Variants in FBXO32 observed in about 807,000 individuals in gnomAD.
FBXO32 encodes the protein F-box protein 32, also known as F-box only protein 32.
FBXO32 carries 15 observed loss-of-function variants against 48.3 expected under a neutral mutation model. The ratio of observed to expected loss-of-function variants is 0.31; its 90% confidence interval spans 0.21 to 0.48. FBXO32 has a LOEUF of 0.48. FBXO32 is among the 20% of genes least tolerant of loss of function. The pLI, the probability that FBXO32 is intolerant of heterozygous loss-of-function variation, is 0.99. For synonymous variants in FBXO32, 154 were observed against 165.9 expected, an observed-to-expected ratio of 0.93 and a Z score of 0.55; for missense variants, 309 against 432.7, an observed-to-expected ratio of 0.71 and a Z score of 2.54.
chr8:123,524,499 G>C (rs1484374740), intron 4 of FBXO32, among the ~76,000 whole-genome samples: 1 of 151,994 alleles, frequency 6.6e-6, no homozygotes, highest in Non-Finnish European at 1.5e-5. Flanking sequence ...AGAAGGGTGG[G>C]GTCACAATCA....
intron 1 of FBXO32, among the ~76,000 whole-genome samples, chr8:123,539,312 C>T (rs989039723): frequency 3.9e-5 from 6 of 152,132 alleles, no homozygotes; most frequent in Admixed American, 6.6e-5. Context: ...AAAGTACCAA[C>T]ATATTAGATC....
intron 4 of FBXO32, among the ~76,000 whole-genome samples, chr8:123,514,693 G>A (rs1294687605): frequency 6.6e-6 from 1 of 152,190 alleles, no homozygotes; most frequent in East Asian, 1.9e-4. Flanking sequence ...TCACCTCCCG[G>A]GGGAATTCTT....
chr8:123,515,886 G>A (rs1458054214), intron 4 of FBXO32, among the ~76,000 whole-genome samples: 2 of 152,132 alleles, frequency 1.3e-5, no homozygotes, highest in Non-Finnish European at 2.9e-5. Flanking sequence ...CAGCTACTCA[G>A]GAGGCTGAGG....
chr8:123,520,098 G>A (rs894891712), intron 4 of FBXO32, among the ~76,000 whole-genome samples: 3 of 152,046 alleles, frequency 2.0e-5, no homozygotes, highest in African/African-American at 4.8e-5. Context: ...CAAATTTATC[G>A]ATTTTATTTG....
Position 123,541,092 on chromosome 8 carries a change from G to T in FBXO32, c.-78C>A. On this transcript the variant is annotated 5_prime_UTR_variant, in exon 1 of 9. Transcript: ENST00000517956. ...CGGGGACGTGCCACCCGGGGCGGAT[G>T]CTCGGGGTGCAGGGGCCCGCGACGG... 2 of 962,494 alleles carry T rather than the reference G, an allele frequency of 2.1e-6. No homozygotes were observed. Among genetic ancestry groups the T allele is most frequent in the Non-Finnish European group, 2.9e-6 (2 of 689,440 alleles). 59.6% of individuals were successfully genotyped at this position (962,494 alleles called of 1,614,324 possible). A position where few individuals can be genotyped will look rare whatever the true frequency, so the allele number is the denominator to read the frequency against.
chr8:123,507,208 CT>C (rs1389622096), intron 6 of FBXO32, among the ~76,000 whole-genome samples: 1 of 152,096 alleles, frequency 6.6e-6, no homozygotes, highest in African/African-American at 2.4e-5. Flanking sequence ...CAATATCCTT[CT>C]TTTTGTCATG....
rs573596612 is a variant in FBXO32 at position 123,534,732 on chromosome 8, C to T, written c.199G>A (p.Asp67Asn). ...YDVAAKKRKK[D>N]MLNSKTKTQY... ...GTTTTGGTTTTGCTATTCAGCATGT[C>T]CTTCTTTCTCTTCTTGGCTGCAACA... The change falls in exon 2 of 9, where the codon GAC becomes AAC. Residue 67 changes from aspartate to asparagine, a missense_variant. Coordinates refer to ENST00000517956, the MANE Select transcript of FBXO32 (RefSeq NM_058229.4). The T allele has an allele frequency of 1.2e-6, 2 of 1,613,728 alleles. No homozygotes were observed. Among genetic ancestry groups the T allele is most frequent in the East Asian group, 2.2e-5 (1 of 44,856 alleles).
At chr8:123,516,951 C>A (rs536053564) in intron 4 of FBXO32, among the ~76,000 whole-genome samples, 13 of 152,190 alleles carry the variant, frequency 8.5e-5, no homozygotes, top group Non-Finnish European at 1.5e-4. Flanking sequence ...CCAACCAGCA[C>A]GTGACAGTCA....
At position 123,500,166 on chromosome 8, in the gene FBXO32, G is replaced by C. The variant is rs368815249; in HGVS notation, c.*3207C>G. On this transcript the variant is annotated 3_prime_UTR_variant, in exon 9 of 9. Coordinates refer to ENST00000517956, the MANE Select transcript of FBXO32 (RefSeq NM_058229.4). ...TTTTTTTTTTCTGGATCTTGCTCTAGTGTGAGCACTCCTGAACTTCACATA... is the reference window on the plus strand; with the variant it reads ...TTTTTTTTTTCTGGATCTTGCTCTACTGTGAGCACTCCTGAACTTCACATA... 1 of 151,824 alleles carries C rather than the reference G, an allele frequency of 6.6e-6. No homozygotes were observed. The highest frequency in any genetic ancestry group is 1.9e-4 in the East Asian group (1 of 5,148). 9.4% of individuals were successfully genotyped at this position (151,824 alleles called of 1,614,324 possible).
At chr8:123,521,513 C>T (rs188954687) in intron 4 of FBXO32, among the ~76,000 whole-genome samples, 3 of 152,312 alleles carry the variant, frequency 2.0e-5, no homozygotes, top group Admixed American at 6.5e-5. Flanking sequence ...AAACACTTTC[C>T]AGAAGGGCAA....
At chr8:123,516,439 TCATTTCAGATCAATAAACA>T (rs1414631795) in intron 4 of FBXO32, among the ~76,000 whole-genome samples, 1 of 152,130 alleles carries the variant, frequency 6.6e-6, no homozygotes, top group African/African-American at 2.4e-5. Context: ...CAGCCCAGCT[TCATTTCAGATCAATAAACA>T]CTGAGCATGA....
At chr8:123,507,714 C>T (rs1816658014) in intron 6 of FBXO32, among the ~76,000 whole-genome samples, 2 of 152,024 alleles carry the variant, frequency 1.3e-5, no homozygotes, top group African/African-American at 4.8e-5. Context: ...TGATACCCTG[C>T]CCAGATCTAC....
intron 4 of FBXO32, among the ~76,000 whole-genome samples, chr8:123,524,929 C>T (rs1467988834): frequency 6.6e-6 from 1 of 152,182 alleles, no homozygotes; most frequent in Non-Finnish European, 1.5e-5. Flanking sequence ...CCCAGGTGGC[C>T]GAGGCCACCC....
At position 123,512,164 on chromosome 8, in the gene FBXO32, T is replaced by C. The variant is rs540935619; in HGVS notation, c.651+1034A>G. 1.4e-4 allele frequency among the ~76,000 whole-genome samples: 21 copies of C among 152,328 alleles called. No individual in the cohort carries two copies. The South Asian group carries it at 3.3e-3, about 24-fold the overall frequency. ...GTGCTCTGCTCTGTGTGTGTGTCTG[T>C]GGGTGCAGCGTGTAGGTGTTGTAGC... On this transcript the variant is annotated intron_variant, in intron 6 of 8. Coordinates refer to ENST00000517956, the MANE Select transcript of FBXO32 (RefSeq NM_058229.4).
intron 6 of FBXO32, among the ~76,000 whole-genome samples, chr8:123,512,203 A>G (rs1452286691): frequency 6.6e-6 from 1 of 152,178 alleles, no homozygotes; most frequent in African/African-American, 2.4e-5. Context: ...AGTGGCTCTA[A>G]GGAAGTCACA....
At chr8:123,531,833 C>A in intron 4 of FBXO32, 65 bp downstream of exon 4, 2 of 1,582,604 alleles carry the variant, frequency 1.3e-6, no homozygotes, top group Non-Finnish European at 1.7e-6. Flanking sequence ...TACTTCAAGA[C>A]AACCCAAAGA....
intron 4 of FBXO32, 42 bp from the exon 5 acceptor site, chr8:123,514,375 A>G (rs1245871488): frequency 6.6e-7 from 1 of 1,510,592 alleles, no homozygotes; most frequent in African/African-American, 1.4e-5. Context: ...GAGTACAGAG[A>G]TATTTTTCTC....
intron 6 of FBXO32, among the ~76,000 whole-genome samples, chr8:123,510,137 C>T (rs1006417163): frequency 1.3e-5 from 2 of 152,194 alleles, no homozygotes; most frequent in African/African-American, 4.8e-5. Context: ...CTGCACAGAG[C>T]CAGCCCTTAA....
At position 123,503,440 on chromosome 8, in the gene FBXO32, G is replaced by A; in HGVS notation, c.1001C>T (p.Ala334Val). The change falls in exon 9 of 9, where the codon GCC becomes GTC. Residue 334 changes from alanine to valine, a missense_variant. Physicochemically the swap from Ala to Val is moderately conservative, Grantham distance 64 (BLOSUM62 0). Coordinates refer to ENST00000517956, the MANE Select transcript of FBXO32 (RefSeq NM_058229.4). ...SWKGTDHPCT[A>V]NNPESCSVSL... ...AACGGAGCAGCTCTCTGGGTTATTGGCAGTGCACGGATGGTCAGTGCCCTG... is the reference window on the plus strand; with the variant it reads ...AACGGAGCAGCTCTCTGGGTTATTGACAGTGCACGGATGGTCAGTGCCCTG... 1 of 1,614,086 alleles carries A rather than the reference G, an allele frequency of 6.2e-7. No individual in the cohort carries two copies. The highest frequency in any genetic ancestry group is 1.7e-5 in the Admixed American group (1 of 60,016).
Sources: allele counts gnomAD v4.1 joint callset (sites outside exome capture counted in the v4.1 genomes callset), GRCh38; gene constraint gnomAD v4.1.1; transcripts MANE v1.5; gene names NCBI Gene and HGNC (gene_info 2026-07-23, HGNC 2026-07-21).